CHST12: variants seen among roughly 807,000 people sequenced by gnomAD.
CHST12 encodes carbohydrate (chondroitin 4) sulfotransferase 12.
Under a neutral mutation model 27.9 loss-of-function variants are expected in CHST12, and 23 were observed. The observed-to-expected ratio is 0.82, with a 90% CI of 0.59 to 1.17. The LOEUF is 1.17. CHST12 is among the 50% of genes most tolerant of loss of function. The pLI is 0.00. For synonymous variants in CHST12, 322 were observed against 273.0 expected (o/e 1.18, Z -1.77); for missense variants, 682 against 603.0 (o/e 1.13, Z -1.37).
chr7:2,425,226 AC>A (rs1173297829), intron 1 of CHST12, among the ~76,000 whole-genome samples: 9 of 44,870 alleles, frequency 2.0e-4, no homozygotes, highest in African/African-American at 7.8e-4. Flanking sequence ...AAAACAACAA[AC>A]AAAAAAAAAA....
chr7:2,443,157 A>C lies in CHST12; in HGVS notation c.*9273A>C, dbSNP rs1333435691. On this transcript the variant is annotated 3_prime_UTR_variant, in exon 2 of 2. Transcript: ENST00000618655. ...CTTGCTGTCACCCAGGCTGGAGTGC[A>C]GTGGTGCAATCTCAGCTCACTGCAA... The C allele has an allele frequency of 6.6e-6, 1 of 152,136 alleles. No homozygotes were observed. Among genetic ancestry groups the C allele is most frequent in the Admixed American group, 6.6e-5 (1 of 15,256 alleles). 9.4% of individuals were successfully genotyped at this position (152,136 alleles called of 1,614,324 possible).
At chr7:2,419,421 A>T (rs1206774699) in intron 1 of CHST12, among the ~76,000 whole-genome samples, 1 of 119,814 alleles carries the variant, frequency 8.3e-6, no homozygotes, top group Admixed American at 8.7e-5. Context: ...AAAAAAAAAA[A>T]AATGGCTGGG....
intron 1 of CHST12, among the ~76,000 whole-genome samples, chr7:2,414,922 A>G (rs750521490): frequency 6.6e-6 from 1 of 152,158 alleles, no homozygotes; most frequent in East Asian, 1.9e-4. Context: ...AGCCACATAC[A>G]TGTGGATCTC....
chr7:2,447,738 G>C lies in CHST12; in HGVS notation c.*13854G>C, dbSNP rs1011165063. ...TTCGCCCGCCTCGGCCTCCCAAAGT[G>C]CTGGGATTACAAGCATGAGCCACTG... On this transcript the variant is annotated 3_prime_UTR_variant, in exon 2 of 2. Transcript: ENST00000618655. The C allele has an allele frequency of 6.6e-6, 1 of 151,876 alleles. No individual in the cohort carries two copies. Among genetic ancestry groups the C allele is most frequent in the Admixed American group, 6.6e-5 (1 of 15,254 alleles). 9.4% of individuals were successfully genotyped at this position (151,876 alleles called of 1,614,324 possible).
Position 2,432,972 on chromosome 7 carries a change from C to T in CHST12, c.333C>T (p.Ala111=), listed in dbSNP as rs149805994. Residue 111 remains alanine, a synonymous_variant, in exon 2 of 2, where the codon GCC becomes GCT. Transcript: ENST00000618655. ...GCTACGACTGGTCCCCGCGCGACGCCCGGCGCAGCCCAGACCAGGGCCGGC... is the reference window on the plus strand; with the variant it reads ...GCTACGACTGGTCCCCGCGCGACGCTCGGCGCAGCCCAGACCAGGGCCGGC... ...VRGYDWSPRD[A]RRSPDQGRQQ... 1.9e-6 allele frequency: 3 copies of T among 1,608,798 alleles called. No homozygotes were observed. The highest frequency in any genetic ancestry group is 2.7e-5 in the African/African-American group (2 of 74,794).
intron 1 of CHST12, among the ~76,000 whole-genome samples, chr7:2,419,639 A>G (rs972024157): frequency 6.6e-6 from 1 of 150,996 alleles, no homozygotes; most frequent in East Asian, 2.0e-4. Flanking sequence ...CCCGGGAAGC[A>G]GAGGTTGCAG....
At position 2,403,719 on chromosome 7, in the gene CHST12, C is replaced by A. The variant is rs1266692282; in HGVS notation, c.-78+46C>A. 4 of 152,692 alleles carry A rather than the reference C, an allele frequency of 2.6e-5. No homozygotes were observed. The South Asian group carries it at 5.3e-4, about 20-fold the overall frequency. The allele number at this position is 152,692 out of a possible 1,614,324, so 9.5% of individuals were successfully genotyped here. A position where few individuals can be genotyped will look rare whatever the true frequency, so the allele number is the denominator to read the frequency against. On this transcript the variant is annotated intron_variant, in intron 1 of 1. Coordinates refer to ENST00000618655, the MANE Select transcript of CHST12 (RefSeq NM_018641.5). ...CGGGCTCGGGGCGCGGTCTCCCTCT[C>A]TCTCGGCCAGTGCTGGGCTCCCAGG...
At chr7:2,413,963 A>T (rs1429916505) in intron 1 of CHST12, among the ~76,000 whole-genome samples, 1 of 151,970 alleles carries the variant, frequency 6.6e-6, no homozygotes, top group Non-Finnish European at 1.5e-5. Flanking sequence ...TTCTGACCTC[A>T]GGTGATCCAC....
At chr7:2,409,627 A>G (rs56299323) in intron 1 of CHST12, among the ~76,000 whole-genome samples, 235 of 6,078 alleles carry the variant, frequency 0.039, no homozygotes, top group East Asian at 0.11. Context: ...GTCTCAAAGA[A>G]AAAAAAAAAA....
rs1309750734 is a variant in CHST12 at position 2,442,469 on chromosome 7, T to C, written c.*8585T>C. ...AGCTCCGCCTCCCAGGTTCAGGCCA[T>C]TCTCCTGCCTCAGCCTCCCGAGTAG... On this transcript the variant is annotated 3_prime_UTR_variant, in exon 2 of 2. Transcript: ENST00000618655. The C allele has an allele frequency of 6.6e-6, 1 of 152,234 alleles. No individual in the cohort carries two copies. The highest frequency in any genetic ancestry group is 1.5e-5 in the Non-Finnish European group (1 of 68,086). 9.4% of individuals were successfully genotyped at this position (152,234 alleles called of 1,614,324 possible).
intron 1 of CHST12, among the ~76,000 whole-genome samples, chr7:2,407,151 A>T (rs532619462): frequency 1.6e-4 from 24 of 152,326 alleles, no homozygotes; most frequent in Non-Finnish European, 2.6e-4. Context: ...AATGAGAGAA[A>T]AAAGAAACGG....
Position 2,417,286 on chromosome 7 carries a change from G to A in CHST12, c.-78+13613G>A, listed in dbSNP as rs553962120. ...GTTGGCCAGGCTAGAGTGCAGTGGCGTGATCTCAGCTCACTGCAACCTCTG... is the reference window on the plus strand; with the variant it reads ...GTTGGCCAGGCTAGAGTGCAGTGGCATGATCTCAGCTCACTGCAACCTCTG... On this transcript the variant is annotated intron_variant, in intron 1 of 1. Transcript: ENST00000618655. Among the ~76,000 whole-genome samples, 6 of 150,102 alleles carry A rather than the reference G, an allele frequency of 4.0e-5. No individual in the cohort carries two copies. In the Admixed American group the frequency reaches 4.0e-4, roughly 10 times the overall value.
Position 2,432,878 on chromosome 7 carries a change from A to G in CHST12, c.239A>G (p.Gln80Arg), listed in dbSNP as rs1782324026. The change falls in exon 2 of 2, where the codon CAG becomes CGG. Residue 80 changes from glutamine to arginine, a missense_variant. By Grantham distance (43) the Gln-to-Arg change is conservative. Coordinates refer to ENST00000618655, the MANE Select transcript of CHST12 (RefSeq NM_018641.5). ...LDKFLSAGVK[Q>R]SDLPRKETEQ... is the part of the protein sequence containing the mutation. ...AAGTTTCTCAGTGCTGGCGTGAAGC[A>G]GAGCGACCTTCCCAGAAAGGAGACG... The G allele has an allele frequency of 1.9e-6, 3 of 1,613,528 alleles. No homozygotes were observed. The South Asian group carries it at 3.3e-5, about 18-fold the overall frequency.
rs55695235 is a variant in CHST12, at chr7:2,442,820, G to T, written c.*8936G>T. On this transcript the variant is annotated 3_prime_UTR_variant, in exon 2 of 2. Transcript: ENST00000618655. ...GAGCCCCGCCTCCCGTCAGATCAGC[G>T]GCGGCATTAGATTCTCATAGGAGCG... The T allele has an allele frequency of 1.3e-5, 2 of 152,650 alleles. No individual in the cohort carries two copies. Among genetic ancestry groups the T allele is most frequent in the African/African-American group, 4.8e-5 (2 of 41,466 alleles). 9.5% of individuals were successfully genotyped at this position (152,650 alleles called of 1,614,324 possible).
intron 1 of CHST12, among the ~76,000 whole-genome samples, chr7:2,429,024 A>G (rs2115433186): frequency 6.6e-6 from 1 of 152,294 alleles, no homozygotes; most frequent in Non-Finnish European, 1.5e-5. Context: ...TTCCATTCCC[A>G]GAGCTATGAA....
At position 2,445,547 on chromosome 7, in the gene CHST12, C is replaced by T. The variant is rs533514021; in HGVS notation, c.*11663C>T. ...CCGGGTTCAAGTGGTTCTCATGCTTCAGCCTCCTGAGTAGCTGGGATTACA... is the reference window on the plus strand; with the variant it reads ...CCGGGTTCAAGTGGTTCTCATGCTTTAGCCTCCTGAGTAGCTGGGATTACA... On this transcript the variant is annotated 3_prime_UTR_variant, in exon 2 of 2. Transcript: ENST00000618655. 8 of 152,242 alleles carry T rather than the reference C, an allele frequency of 5.3e-5. No homozygotes were observed. Among genetic ancestry groups the T allele is most frequent in the Non-Finnish European group, 7.3e-5 (5 of 68,072 alleles). The allele number at this position is 152,242 out of a possible 1,614,324, so 9.4% of individuals were successfully genotyped here. A position where few individuals can be genotyped will look rare whatever the true frequency, so the allele number is the denominator to read the frequency against.
Position 2,433,494 on chromosome 7 carries a change from C to T in CHST12, c.855C>T (p.Pro285=), listed in dbSNP as rs1033005440. The T allele has an allele frequency of 1.2e-6, 2 of 1,611,760 alleles. No homozygotes were observed. The highest frequency in any genetic ancestry group is 8.5e-7 in the Non-Finnish European group (1 of 1,179,876). The change falls in exon 2 of 2, where the codon CCC becomes CCT. Residue 285 remains proline (P), a synonymous_variant. Coordinates refer to ENST00000618655, the MANE Select transcript of CHST12 (RefSeq NM_018641.5). The surrounding 1 kb of genome is among the most constrained non-coding windows in gnomAD (Gnocchi z 6.1). ...LRLYANHTSL[P]ASAREAFRAG... ...TGTACGCCAACCACACCAGCCTGCC[C>T]GCCTCGGCGCGCGAGGCCTTCCGCG...
chr7:2,446,733 G>C lies in CHST12; in HGVS notation c.*12849G>C, dbSNP rs10240036. ...AGGGACAGAGTGCAAGGACATGATCGAACAGAAAAAGTTCTGGTACAAGAT... is the reference window on the plus strand; with the variant it reads ...AGGGACAGAGTGCAAGGACATGATCCAACAGAAAAAGTTCTGGTACAAGAT... On this transcript the variant is annotated 3_prime_UTR_variant, in exon 2 of 2. Transcript: ENST00000618655. 0.44 allele frequency: 66,602 copies of C among 152,502 alleles called. 16,000 individuals are homozygous for C. The highest frequency in any genetic ancestry group is 0.78 in the East Asian group (4,000 of 5,158). 9.4% of individuals were successfully genotyped at this position (152,502 alleles called of 1,614,324 possible).
At chr7:2,407,046 AAAAT>A (rs1781545087) in intron 1 of CHST12, among the ~76,000 whole-genome samples, 1 of 152,176 alleles carries the variant, frequency 6.6e-6, no homozygotes, top group Non-Finnish European at 1.5e-5. Flanking sequence ...GTAAAAAAAA[AAAAT>A]AAAAGCAGAA....
Sources: allele counts gnomAD v4.1 joint callset (sites outside exome capture counted in the v4.1 genomes callset), GRCh38; gene constraint gnomAD v4.1.1; non-coding constraint Gnocchi (gnomAD v3.1); transcripts MANE v1.5; gene names NCBI Gene and HGNC (gene_info 2026-07-23, HGNC 2026-07-21).